GLRX3: variants seen among roughly 807,000 people sequenced by gnomAD.
GLRX3 encodes the protein glutaredoxin-3.
GLRX3 carries 22 observed loss-of-function variants against 49.5 expected under a neutral mutation model. The observed-to-expected ratio is 0.44, with a 90% CI of 0.32 to 0.63. The LOEUF (loss-of-function observed/expected upper bound fraction) is 0.63, where lower values mean the gene tolerates loss of function less well. Among genes scored for constraint, GLRX3 ranks in the 30% least tolerant of loss-of-function variants. The pLI, the probability that GLRX3 is intolerant of heterozygous loss-of-function variation, is 0.05. For missense variants in GLRX3, 385 were observed against 396.3 expected, an observed-to-expected ratio of 0.97 and a Z score of 0.24; for synonymous variants, 133 against 140.0, an observed-to-expected ratio of 0.95 and a Z score of 0.35.
intron 1 of GLRX3, among the ~76,000 whole-genome samples, chr10:130,141,168 A>G (rs919255158): frequency 2.0e-5 from 3 of 152,160 alleles, no homozygotes; most frequent in African/African-American, 4.8e-5. Flanking sequence ...GCCAAAGCCC[A>G]ACTTTACAAA....
intron 1 of GLRX3, among the ~76,000 whole-genome samples, chr10:130,139,269 C>T (rs538769422): frequency 3.9e-5 from 6 of 152,200 alleles, no homozygotes; most frequent in African/African-American, 7.2e-5. Context: ...CTAGTTCAAA[C>T]GGACACGTGA....
At chr10:130,166,212 T>C (rs561827286) in intron 4 of GLRX3, among the ~76,000 whole-genome samples, 29 of 152,224 alleles carry the variant, frequency 1.9e-4, no homozygotes, top group Admixed American at 1.4e-3. Context: ...GTCCATGATA[T>C]TGAAGAATAA....
intron 2 of GLRX3, chr10:130,159,724 G>T: frequency 9.7e-7 from 1 of 1,029,720 alleles, no homozygotes; most frequent in South Asian, 3.1e-5. Flanking sequence ...GGTCACTAGT[G>T]CACCAAAAAT....
intron 5 of GLRX3, 48 bp from the exon 6 acceptor site, chr10:130,166,871 A>G: frequency 8.3e-7 from 1 of 1,201,136 alleles, no homozygotes; most frequent in Non-Finnish European, 1.2e-6. Context: ...AAGGAGATTT[A>G]TGTTATAATA....
intron 2 of GLRX3, among the ~76,000 whole-genome samples, chr10:130,147,405 T>C (rs1284707232): frequency 6.6e-6 from 1 of 152,226 alleles, no homozygotes; most frequent in Non-Finnish European, 1.5e-5. Flanking sequence ...ACTTCTCACA[T>C]TGGTACCAGA....
chr10:130,137,420 AGTT>A (rs1862080923), intron 1 of GLRX3, among the ~76,000 whole-genome samples: 2 of 152,040 alleles, frequency 1.3e-5, no homozygotes, highest in Admixed American at 1.3e-4. Flanking sequence ...CCAAGGACTG[AGTT>A]GTTCTCTTAG....
rs560382406 is a variant in GLRX3, at chr10:130,176,281, C to A, written c.957+1192C>A. Among the ~76,000 whole-genome samples, 5 of 151,968 alleles carry A rather than the reference C, an allele frequency of 3.3e-5. No individual in the cohort carries two copies. The East Asian group carries it at 9.7e-4, about 30-fold the overall frequency. On this transcript the variant is annotated intron_variant, in intron 10 of 10. Transcript: ENST00000331244. ...ATTACAGGCACCCGCCACCACGCCC[C>A]ACTAATTTTTGTATTTTTAGTAGAG...
intron 10 of GLRX3, among the ~76,000 whole-genome samples, chr10:130,175,507 T>C (rs1862899457): frequency 6.6e-6 from 1 of 152,260 alleles, no homozygotes; most frequent in Non-Finnish European, 1.5e-5. Context: ...TCACTGCCCC[T>C]GGTCCCCCGA....
chr10:130,160,088 C>T lies in GLRX3; in HGVS notation c.276+19C>T. 2 of 1,480,688 alleles carry T rather than the reference C, an allele frequency of 1.4e-6. No homozygotes were observed. Among genetic ancestry groups the T allele is most frequent in the Non-Finnish European group, 1.9e-6 (2 of 1,058,986 alleles). 91.7% of individuals were successfully genotyped at this position (1,480,688 alleles called of 1,614,324 possible). On this transcript the variant is annotated intron_variant, in intron 3 of 10. Transcript: ENST00000331244. ...TTTCAAGGTAAGGATAAAGGTGGTA[C>T]AAGAGATTATCCATTTGTAGGGTGC...
intron 4 of GLRX3, among the ~76,000 whole-genome samples, chr10:130,164,996 T>C (rs995742009): frequency 7.9e-5 from 12 of 152,248 alleles, no homozygotes; most frequent in African/African-American, 2.9e-4. Flanking sequence ...TACAAATAAA[T>C]ACTAGTGCTT....
chr10:130,168,738 C>T (rs764201832), intron 6 of GLRX3, among the ~76,000 whole-genome samples: 5 of 152,316 alleles, frequency 3.3e-5, no homozygotes, highest in Middle Eastern at 3.4e-3. Context: ...TGAGCCACCG[C>T]GCCCAACCTC....
intron 3 of GLRX3, among the ~76,000 whole-genome samples, chr10:130,160,386 A>G (rs180696928): frequency 1.3e-5 from 2 of 152,334 alleles, no homozygotes; most frequent in Admixed American, 6.5e-5. Flanking sequence ...TGTTTAGAGC[A>G]TGTGCCTGGA....
intron 2 of GLRX3, among the ~76,000 whole-genome samples, chr10:130,146,915 C>T (rs12269149): frequency 0.26 from 39,123 of 152,040 alleles, 5,151 homozygotes; most frequent in Middle Eastern, 0.29. Context: ...TTTGAATAGG[C>T]ATTATACTCA....
In GLRX3 at chr10:130,179,526, A is replaced by G; in HGVS notation, c.*134A>G. The G allele has an allele frequency of 1.5e-6, 1 of 653,868 alleles. No homozygotes were observed. Among genetic ancestry groups the G allele is most frequent in the Non-Finnish European group, 2.7e-6 (1 of 365,020 alleles). 40.5% of individuals were successfully genotyped at this position (653,868 alleles called of 1,614,324 possible). ...CTCAGTTACATGTTTTGTGTATTTCACAATGTCGTGCTAAATAAATGTATG... is the reference window on the plus strand; with the variant it reads ...CTCAGTTACATGTTTTGTGTATTTCGCAATGTCGTGCTAAATAAATGTATG... On this transcript the variant is annotated 3_prime_UTR_variant, in exon 11 of 11. Coordinates refer to ENST00000331244, the MANE Select transcript of GLRX3 (RefSeq NM_006541.5).
At chr10:130,176,200 G>C (rs1056705924) in intron 10 of GLRX3, among the ~76,000 whole-genome samples, 2 of 150,612 alleles carry the variant, frequency 1.3e-5, no homozygotes, top group African/African-American at 4.9e-5. Flanking sequence ...GCTCACTGCA[G>C]CCTCTGCCTC....
intron 1 of GLRX3, among the ~76,000 whole-genome samples, chr10:130,138,425 T>C (rs1178510163): frequency 6.6e-6 from 1 of 152,168 alleles, no homozygotes; most frequent in Non-Finnish European, 1.5e-5. Context: ...GTACTCTGAT[T>C]TTGCAATGGA....
chr10:130,136,415 G>GGCA lies in GLRX3; in HGVS notation c.-2_1dup, dbSNP rs1390097565. 1 of 1,252,878 alleles carries GGCA rather than the reference G, an allele frequency of 8.0e-7. No homozygotes were observed. The highest frequency in any genetic ancestry group is 1.0e-6 in the Non-Finnish European group (1 of 992,772). The allele number at this position is 1,252,878 out of a possible 1,614,324, so 77.6% of individuals were successfully genotyped here. A position where few individuals can be genotyped will look rare whatever the true frequency, so the allele number is the denominator to read the frequency against. On this transcript the variant is annotated 5_prime_UTR_variant, in exon 1 of 11. Coordinates refer to ENST00000331244, the MANE Select transcript of GLRX3 (RefSeq NM_006541.5). The stretch of plus-strand genomic sequence containing the variant: ...CACTGGATTGCTTCTGTCTGGCGGC[G>GGCA]GCAGCATGGCGGCGGGGGCGGCTGA...
Position 130,145,193 on chromosome 10 carries a change from C to A in GLRX3, c.93-18C>A. ...AAATTGGTATAATTTTAAATAAATG[C>A]ATTTAATTGATTTACAGGTCCCTCC... On this transcript the variant is annotated intron_variant, in intron 1 of 10. Transcript: ENST00000331244. 5.3e-6 allele frequency: 5 copies of A among 940,208 alleles called. No individual in the cohort carries two copies. Among genetic ancestry groups the A allele is most frequent in the South Asian group, 1.6e-5 (1 of 63,420 alleles). The allele number at this position is 940,208 out of a possible 1,614,324, so 58.2% of individuals were successfully genotyped here.
In GLRX3 at chr10:130,136,406, T is replaced by C. The variant is rs1862049688; in HGVS notation, c.-15T>C. ...GGCCGCCGGCACTGGATTGCTTCTG[T>C]CTGGCGGCGGCAGCATGGCGGCGGG... On this transcript the variant is annotated 5_prime_UTR_variant, in exon 1 of 11. Transcript: ENST00000331244. 2 of 1,251,148 alleles carry C rather than the reference T, an allele frequency of 1.6e-6. No individual in the cohort carries two copies. The highest frequency in any genetic ancestry group is 2.0e-6 in the Non-Finnish European group (2 of 992,058). The allele number at this position is 1,251,148 out of a possible 1,614,324, so 77.5% of individuals were successfully genotyped here.
Sources: allele counts gnomAD v4.1 joint callset (sites outside exome capture counted in the v4.1 genomes callset), GRCh38; gene constraint gnomAD v4.1.1; transcripts MANE v1.5; gene names NCBI Gene and HGNC (gene_info 2026-07-23, HGNC 2026-07-21).